SYN2: variants seen among roughly 807,000 people sequenced by gnomAD.
SYN2 encodes synapsin-2.
SYN2 carries 19 observed loss-of-function variants against 50.9 expected under a neutral mutation model. That is an observed-to-expected ratio of 0.37 (90% confidence interval 0.26 to 0.55). The LOEUF is 0.55. SYN2 is among the 20% of genes least tolerant of loss of function. The pLI, the probability that SYN2 is intolerant of heterozygous loss-of-function variation, is 0.81. For missense variants in SYN2, 587 were observed against 576.4 expected (o/e 1.02, Z -0.19); for synonymous variants, 255 against 224.9 (o/e 1.13, Z -1.20).
chr3:12,136,541 T>TA (rs1696896561), intron 1 of SYN2, among the ~76,000 whole-genome samples: 1 of 152,156 alleles, frequency 6.6e-6, no homozygotes, highest in Non-Finnish European at 1.5e-5. Flanking sequence ...AAAGAGGGCG[T>TA]ATTTAAGCTA....
chr3:12,017,860 G>A (rs1186799482), intron 1 of SYN2, among the ~76,000 whole-genome samples: 1 of 152,158 alleles, frequency 6.6e-6, no homozygotes, highest in Non-Finnish European at 1.5e-5. Context: ...CCTTCATTTT[G>A]GTTCGAGCAA....
chr3:12,184,455 T>G, intron 11 of SYN2: 1 of 985,920 alleles, frequency 1.0e-6, no homozygotes, highest in Non-Finnish European at 1.2e-6. Context: ...TTGTCCATTC[T>G]GCTCTTGGCC....
intron 4 of SYN2, among the ~76,000 whole-genome samples, chr3:12,146,601 A>C (rs1697154969): frequency 6.6e-6 from 1 of 152,260 alleles, no homozygotes; most frequent in Non-Finnish European, 1.5e-5. Flanking sequence ...CCAAAGTTAC[A>C]GTGCCAGGAT....
At chr3:12,167,843 T>A (rs1017654237) in intron 8 of SYN2, among the ~76,000 whole-genome samples, 1 of 152,142 alleles carries the variant, frequency 6.6e-6, no homozygotes, top group Admixed American at 6.5e-5. Context: ...GATAAAAATA[T>A]GGACGGAGAA....
chr3:12,168,369 CCT>C lies in SYN2; in HGVS notation c.1056-5_1056-4del. The C allele has an allele frequency of 6.2e-7, 1 of 1,612,200 alleles. No individual in the cohort carries two copies. Among genetic ancestry groups the C allele is most frequent in the Non-Finnish European group, 8.5e-7 (1 of 1,179,050 alleles). ...CCAGCTTCAGGACACCTTCCCATCACCTCCAGGTACAAACTGTGGGTGGACAC... is the reference window on the plus strand; with the variant it reads ...CCAGCTTCAGGACACCTTCCCATCACCCAGGTACAAACTGTGGGTGGACAC... On this transcript the variant is annotated splice_region_variant and splice_polypyrimidine_tract_variant and intron_variant, in intron 8 of 12. Coordinates refer to ENST00000621198, the MANE Select transcript of SYN2 (RefSeq NM_133625.6).
chr3:12,123,173 AAGAGGCAATATAC>A (rs1696598729), intron 1 of SYN2, among the ~76,000 whole-genome samples: 1 of 152,232 alleles, frequency 6.6e-6, no homozygotes, highest in African/African-American at 2.4e-5. Context: ...GAGGATGGAA[AAGAGGCAATATAC>A]AGAGGTAATA....
chr3:12,112,460 C>T (rs1172231584), intron 1 of SYN2, among the ~76,000 whole-genome samples: 2 of 152,056 alleles, frequency 1.3e-5, no homozygotes, highest in African/African-American at 4.8e-5. Flanking sequence ...AAGACAAAGA[C>T]CTCCACAGCT....
Position 12,141,985 on chromosome 3 carries a change from A to G in SYN2, c.516A>G (p.Thr172=), listed in dbSNP as rs1331912535. 1.3e-6 allele frequency: 1 copy of G among 780,874 alleles called. No individual in the cohort carries two copies. The highest frequency in any genetic ancestry group is 1.7e-5 in the African/African-American group (1 of 59,278). 48.4% of individuals were successfully genotyped at this position (780,874 alleles called of 1,614,324 possible). ...AVDMQVLRNG[T]KVVRSFRPDF... is the part of the protein sequence containing the mutation. ...ATATGCAGGTTCTCCGGAATGGCACAAAGGTTGTCCGGTAAGGGTCTTTCT... is the reference window on the plus strand; with the variant it reads ...ATATGCAGGTTCTCCGGAATGGCACGAAGGTTGTCCGGTAAGGGTCTTTCT... The change falls in exon 3 of 13, where the codon ACA becomes ACG. Residue 172 remains threonine (T), a synonymous_variant. Coordinates refer to ENST00000621198, the MANE Select transcript of SYN2 (RefSeq NM_133625.6).
intron 5 of SYN2, chr3:12,153,618 T>C (rs1334007551): frequency 2.5e-6 from 4 of 1,614,074 alleles, no homozygotes; most frequent in Non-Finnish European, 3.4e-6. Context: ...ATGCTGAGCC[T>C]GGTAACCATA....
intron 1 of SYN2, among the ~76,000 whole-genome samples, chr3:12,120,951 A>G (rs1241661580): frequency 6.6e-6 from 1 of 151,874 alleles, no homozygotes; most frequent in Non-Finnish European, 1.5e-5. Flanking sequence ...ACCTTGCGCA[A>G]TCCCCCTCTG....
At chr3:12,155,320 A>G (rs1334317440) in intron 5 of SYN2, among the ~76,000 whole-genome samples, 1 of 152,252 alleles carries the variant, frequency 6.6e-6, no homozygotes, top group Non-Finnish European at 1.5e-5. Context: ...TACAAAGTGC[A>G]GTATAAGAAC....
intron 1 of SYN2, among the ~76,000 whole-genome samples, chr3:12,023,982 G>A (rs1694201107): frequency 6.6e-6 from 1 of 152,022 alleles, no homozygotes; most frequent in Non-Finnish European, 1.5e-5. Flanking sequence ...TGTTTTCTCT[G>A]TAGACTTTTA....
intron 1 of SYN2, among the ~76,000 whole-genome samples, chr3:12,097,756 A>G (rs1695971776): frequency 6.6e-6 from 1 of 152,214 alleles, no homozygotes; most frequent in Admixed American, 6.5e-5. Context: ...TCGCAAGGAC[A>G]GAAAACCAAA....
At chr3:12,090,569 T>G in intron 1 of SYN2, among the ~76,000 whole-genome samples, 1 of 152,314 alleles carries the variant, frequency 6.6e-6, no homozygotes, top group Non-Finnish European at 1.5e-5. Flanking sequence ...AATAAGACAG[T>G]TGGACTAACT....
chr3:12,076,401 A>G (rs1440663823), intron 1 of SYN2, among the ~76,000 whole-genome samples: 1 of 151,996 alleles, frequency 6.6e-6, no homozygotes, highest in African/African-American at 2.4e-5. Context: ...TTCTTTTCTC[A>G]GGCTGTGTAC....
chr3:12,187,640 T>C (rs1698370844), intron 12 of SYN2, 28 bp downstream of exon 12: 2 of 1,516,812 alleles, frequency 1.3e-6, no homozygotes, highest in Admixed American at 2.0e-5. Flanking sequence ...AGCTCCTCCC[T>C]CCCCTCCTCC....
intron 5 of SYN2, chr3:12,158,694 G>A (rs757130650): frequency 7.5e-6 from 12 of 1,609,798 alleles, no homozygotes; most frequent in African/African-American, 4.0e-5. Context: ...CGCGGACCTC[G>A]GACTCACCAA....
intron 1 of SYN2, among the ~76,000 whole-genome samples, chr3:12,066,630 A>C (rs951402687): frequency 6.6e-6 from 1 of 152,164 alleles, no homozygotes; most frequent in African/African-American, 2.4e-5. Context: ...CTTATATCAG[A>C]ATATTTATCA....
chr3:12,169,746 T>C lies in SYN2; in HGVS notation c.1159-11T>C. ...GACCCCTTTCCTCACCTGGGACACA[T>C]CTCCCACCAGGTCATGGACTGTAGC... On this transcript the variant is annotated splice_polypyrimidine_tract_variant and intron_variant, in intron 9 of 12. Transcript: ENST00000621198. 4 of 1,613,654 alleles carry C rather than the reference T, an allele frequency of 2.5e-6. No homozygotes were observed. Among genetic ancestry groups the C allele is most frequent in the Non-Finnish European group, 3.4e-6 (4 of 1,179,762 alleles).
Sources: gnomAD v4.1 joint callset for allele counts (sites outside exome capture counted in the v4.1 genomes callset) on GRCh38, gnomAD v4.1.1 for gene constraint, MANE v1.5 for transcripts, NCBI Gene and HGNC (gene_info 2026-07-23, HGNC 2026-07-21) for gene names.